The following HELZ variants were observed in gnomAD, a reference collection of about 807,000 sequenced individuals.
The protein encoded by HELZ is helicase with zinc finger.
Under a neutral mutation model 218.2 loss-of-function variants are expected in HELZ, and 23 were observed. That is an observed-to-expected ratio of 0.11 (90% CI 0.08 to 0.15). HELZ has a LOEUF of 0.15. Ranked by LOEUF, HELZ falls within the 10% of genes least tolerant of loss-of-function variation. The pLI is 1.00. For synonymous variants in HELZ, 814 were observed against 829.4 expected (o/e 0.98, Z 0.32); for missense variants, 1,813 against 2,353.7 (o/e 0.77, Z 4.75).
chr17:67,229,212 A>G (rs879482289), intron 3 of HELZ, among the ~76,000 whole-genome samples: 3 of 152,212 alleles, frequency 2.0e-5, no homozygotes, highest in Non-Finnish European at 4.4e-5. Context: ...GCTCATTAAC[A>G]GATATCCGGG....
intron 5 of HELZ, among the ~76,000 whole-genome samples, chr17:67,207,552 T>C (rs2040338389): frequency 6.6e-6 from 1 of 152,144 alleles, no homozygotes; most frequent in Non-Finnish European, 1.5e-5. Context: ...CCTTAGTTAC[T>C]TCTGAAGTGT....
intron 32 of HELZ, among the ~76,000 whole-genome samples, chr17:67,085,166 C>T (rs555020558): frequency 6.6e-6 from 1 of 152,200 alleles, no homozygotes; most frequent in Admixed American, 6.5e-5. Context: ...TGCCTGTAAT[C>T]CCAGCACTTT....
intron 7 of HELZ, chr17:67,200,760 T>A (rs2040147917): frequency 5.3e-6 from 1 of 188,090 alleles, no homozygotes; most frequent in Non-Finnish European, 1.1e-5. Context: ...AATAAATAAA[T>A]AAGGCTTGAG....
At position 67,191,647 on chromosome 17, in the gene HELZ, G is replaced by A. The variant is rs553642881; in HGVS notation, c.558-1292C>T. Among the ~76,000 whole-genome samples, 81 of 151,530 alleles carry A rather than the reference G, an allele frequency of 5.3e-4. 1 individual carries two copies. Among genetic ancestry groups the A allele is most frequent in the African/African-American group, 1.9e-3 (80 of 41,376 alleles). Reference sequence around the variant, plus strand: ...TTTTTGTATTTTTAGTAGAGATGGGGTTGCATGTTGGCCAGGCTGGTCTCG... The same window carrying A: ...TTTTTGTATTTTTAGTAGAGATGGGATTGCATGTTGGCCAGGCTGGTCTCG... On this transcript the variant is annotated intron_variant, in intron 9 of 32. Coordinates refer to ENST00000358691, the MANE Select transcript of HELZ (RefSeq NM_014877.4).
intron 10 of HELZ, 52 bp downstream of exon 10, chr17:67,190,103 ACT>A: frequency 7.0e-7 from 1 of 1,422,702 alleles, no homozygotes; most frequent in African/African-American, 1.4e-5. Context: ...TAAAGTCAAG[ACT>A]CAAGTTCATT....
At chr17:67,132,083 A>C (rs1474500923) in intron 23 of HELZ, among the ~76,000 whole-genome samples, 6 of 152,156 alleles carry the variant, frequency 3.9e-5, no homozygotes, top group Non-Finnish European at 8.8e-5. Flanking sequence ...CTGTAATATA[A>C]TTTTAGGCAT....
chr17:67,203,329 C>G lies in HELZ; in HGVS notation c.362G>C (p.Gly121Ala). Reference sequence around the variant, plus strand: ...AGCTTATCAACATACCAGGGACTCTCCTGTGAGTGACTTGGCAAGAATGGT... The same window carrying G: ...AGCTTATCAACATACCAGGGACTCTGCTGTGAGTGACTTGGCAAGAATGGT... The part of the protein sequence containing the change: ...VSTILAKSLT[G>A]ESLNGMVTKD... Residue 121 changes from glycine (G) to alanine (A), a missense_variant, in exon 6 of 33, where the codon GGA becomes GCA. Gly to Ala is a moderately conservative substitution (Grantham distance 60, BLOSUM62 0). This residue lies in a region of HELZ where 714 missense variants were observed against 1,029.2 expected (regional missense o/e 0.69). Transcript: ENST00000358691. 1.2e-6 allele frequency: 2 copies of G among 1,614,084 alleles called. No homozygotes were observed. The highest frequency in any genetic ancestry group is 2.2e-5 in the South Asian group (2 of 91,078).
intron 9 of HELZ, among the ~76,000 whole-genome samples, chr17:67,192,365 G>A (rs942345587): frequency 1.3e-5 from 2 of 151,944 alleles, no homozygotes; most frequent in Admixed American, 6.6e-5. Flanking sequence ...ATGGTTCACC[G>A]TATTTGAAAA....
At chr17:67,137,692 A>G (rs2038196098) in intron 22 of HELZ, among the ~76,000 whole-genome samples, 1 of 152,240 alleles carries the variant, frequency 6.6e-6, no homozygotes, top group Non-Finnish European at 1.5e-5. Context: ...ACTATGTGGC[A>G]TTGATATAAT....
intron 18 of HELZ, 156 bp from the exon 19 acceptor site, chr17:67,150,141 T>TTTTTTTTTTTTTTTTTTTTTTTTC (rs2038636754): frequency 2.1e-6 from 1 of 475,636 alleles, no homozygotes; most frequent in African/African-American, 2.2e-5. Context: ...TTTTTTTTTT[T>TTTTTTTTTTTTTTTTTTTTTTTTC]TTTTTTTTTT....
At chr17:67,238,349 CAAAAAAAAAA>C (rs71368808) in intron 3 of HELZ, among the ~76,000 whole-genome samples, 16 of 46,964 alleles carry the variant, frequency 3.4e-4, no homozygotes, top group South Asian at 1.4e-3. Context: ...CTCTGTCTCT[CAAAAAAAAAA>C]AAAAAAAAAA....
intron 4 of HELZ, 27 bp from the exon 5 acceptor site, chr17:67,215,962 T>C: frequency 7.2e-7 from 1 of 1,379,388 alleles, no homozygotes; most frequent in Non-Finnish European, 1.0e-6. Context: ...CAAGATAAAA[T>C]TAAGTATTTC....
chr17:67,134,385 CAA>C (rs750392717), intron 23 of HELZ, among the ~76,000 whole-genome samples: 10 of 130,694 alleles, frequency 7.7e-5, no homozygotes, highest in African/African-American at 1.3e-4. Flanking sequence ...AACTCTGTCT[CAA>C]AAAAAAAAAA....
chr17:67,187,893 A>T (rs2039799210), intron 12 of HELZ, among the ~76,000 whole-genome samples: 1 of 152,234 alleles, frequency 6.6e-6, no homozygotes, highest in Non-Finnish European at 1.5e-5. Flanking sequence ...AAGACTTTTC[A>T]TTCAGAAACA....
chr17:67,190,430 C>T, intron 9 of HELZ, 75 bp from the exon 10 acceptor site: 1 of 1,128,876 alleles, frequency 8.9e-7, no homozygotes, highest in South Asian at 1.3e-5. Flanking sequence ...AGCATTTGCC[C>T]TCTGATTCTT....
intron 27 of HELZ, among the ~76,000 whole-genome samples, chr17:67,116,419 T>C (rs2037428341): frequency 6.6e-6 from 1 of 152,044 alleles, no homozygotes; most frequent in Non-Finnish European, 1.5e-5. Context: ...GCCACCTATA[T>C]GTTATCTAAA....
rs148215300 is a variant in HELZ at position 67,135,890 on chromosome 17, T to C, written c.3182+80A>G. On this transcript the variant is annotated intron_variant, in intron 23 of 32. Coordinates refer to ENST00000358691, the MANE Select transcript of HELZ (RefSeq NM_014877.4). ...AACCTGTTTTTAATTAGCCAGAAGG[T>C]CATATGAATAAATATACACATAGGG... 2.7e-6 allele frequency: 3 copies of C among 1,121,046 alleles called. No homozygotes were observed. The East Asian group carries it at 7.7e-5, about 29-fold the overall frequency. The allele number at this position is 1,121,046 out of a possible 1,614,324, so 69.4% of individuals were successfully genotyped here.
At chr17:67,185,026 TTC>T (rs1263997657) in intron 12 of HELZ, among the ~76,000 whole-genome samples, 1 of 152,144 alleles carries the variant, frequency 6.6e-6, no homozygotes, top group Admixed American at 6.5e-5. Flanking sequence ...AATGACACTT[TTC>T]TCCTAATTCC....
At chr17:67,204,501 T>C (rs2040246999) in intron 5 of HELZ, among the ~76,000 whole-genome samples, 1 of 152,128 alleles carries the variant, frequency 6.6e-6, no homozygotes, top group East Asian at 1.9e-4. Context: ...GTGATCAGAG[T>C]GCTTATATTT....
Sources: allele counts gnomAD v4.1 joint callset (sites outside exome capture counted in the v4.1 genomes callset), GRCh38; gene constraint gnomAD v4.1.1; regional missense constraint gnomAD v4.1.1; transcripts MANE v1.5; gene names NCBI Gene and HGNC (gene_info 2026-07-23, HGNC 2026-07-21).